Variants in ZDHHC13 observed in about 807,000 individuals in gnomAD.
ZDHHC13 encodes the protein palmitoyltransferase ZDHHC13.
A neutral mutation model predicts 86.0 loss-of-function variants in ZDHHC13; 85 were observed. The ratio of observed to expected loss-of-function variants is 0.99; its 90% CI spans 0.83 to 1.18. The LOEUF (loss-of-function observed/expected upper bound fraction) is 1.18, where lower values mean the gene tolerates loss of function less well. ZDHHC13 is among the 50% of genes most tolerant of loss of function. The pLI is 0.00. For missense variants in ZDHHC13, 711 were observed against 730.2 expected (o/e 0.97, Z 0.30); for synonymous variants, 263 against 246.4 (o/e 1.07, Z -0.63).
chr11:19,137,585 A>G (rs1849179493), intron 1 of ZDHHC13, among the ~76,000 whole-genome samples: 1 of 151,792 alleles, frequency 6.6e-6, no homozygotes, highest in African/African-American at 2.4e-5. Flanking sequence ...CATCTACAGA[A>G]CTCTCCACCC....
At chr11:19,135,958 C>A (rs1049349350) in intron 1 of ZDHHC13, among the ~76,000 whole-genome samples, 1 of 151,564 alleles carries the variant, frequency 6.6e-6, no homozygotes, top group African/African-American at 2.4e-5. Flanking sequence ...GTAGATAAAA[C>A]CACAAAGATG....
intron 8 of ZDHHC13, among the ~76,000 whole-genome samples, chr11:19,153,551 T>A (rs1001727996): frequency 6.6e-6 from 1 of 152,180 alleles, no homozygotes; most frequent in Non-Finnish European, 1.5e-5. Context: ...GAAATAGTGG[T>A]TATTCCTCAG....
At chr11:19,142,013 C>T (rs1374861157) in intron 1 of ZDHHC13, among the ~76,000 whole-genome samples, 2 of 152,096 alleles carry the variant, frequency 1.3e-5, no homozygotes, top group Non-Finnish European at 2.9e-5. Flanking sequence ...ATGCTTTAAC[C>T]AACTGAGCTA....
intron 2 of ZDHHC13, 34 bp from the exon 3 acceptor site, chr11:19,146,147 T>A: frequency 6.5e-7 from 1 of 1,528,858 alleles, no homozygotes; most frequent in Non-Finnish European, 8.8e-7. Context: ...TGATTTTAAT[T>A]GTATCAATTA....
chr11:19,169,784 TG>T (rs1318132694), intron 14 of ZDHHC13: 2 of 985,424 alleles, frequency 2.0e-6, no homozygotes, highest in Non-Finnish European at 2.4e-6. Context: ...TTGGCACACC[TG>T]GGGAGAAACT....
chr11:19,145,941 T>G (rs897033037), intron 2 of ZDHHC13, among the ~76,000 whole-genome samples: 5 of 152,212 alleles, frequency 3.3e-5, no homozygotes, highest in African/African-American at 1.2e-4. Context: ...AGTTTAAAGT[T>G]TACTTAAGAA....
intron 1 of ZDHHC13, among the ~76,000 whole-genome samples, chr11:19,126,191 T>TG (rs200962895): frequency 0.02 from 3,104 of 152,230 alleles, 54 homozygotes; most frequent in Non-Finnish European, 0.029. Flanking sequence ...ACTTATGTCA[T>TG]GGGGGTTTGT....
intron 14 of ZDHHC13, chr11:19,166,997 G>T (rs570550239): frequency 6.6e-6 from 1 of 152,292 alleles, no homozygotes; most frequent in African/African-American, 2.4e-5. Flanking sequence ...GTTCTGAGGT[G>T]GTTGACTAAG....
intron 1 of ZDHHC13, among the ~76,000 whole-genome samples, chr11:19,130,334 T>TA (rs1848968850): frequency 6.6e-6 from 1 of 152,218 alleles, no homozygotes; most frequent in Non-Finnish European, 1.5e-5. Context: ...GCTAATTTAT[T>TA]GACATAAAGT....
chr11:19,174,687 G>A (rs1422134275), intron 16 of ZDHHC13, among the ~76,000 whole-genome samples: 1 of 152,216 alleles, frequency 6.6e-6, no homozygotes, highest in Admixed American at 6.5e-5. Context: ...TGATGCCTAA[G>A]ACAGTGCAGT....
Position 19,117,590 on chromosome 11 carries a change from A to C in ZDHHC13, c.27+314A>C. ...CCTCTGTGGGCCTGGGGAGGGGACG[A>C]TGGCCCTTCCCGGGAGAGGTGTCAG... On this transcript the variant is annotated intron_variant, in intron 1 of 16. Coordinates refer to ENST00000446113, the MANE Select transcript of ZDHHC13 (RefSeq NM_019028.3). This position sits in a 1 kb window ranked among gnomAD's most constrained non-coding sequence, Gnocchi z 4.2. The C allele has an allele frequency of 2.9e-6, 1 of 346,684 alleles. No homozygotes were observed. The highest frequency in any genetic ancestry group is 5.2e-6 in the Non-Finnish European group (1 of 192,032). The allele number at this position is 346,684 out of a possible 1,614,324, so 21.5% of individuals were successfully genotyped here. A position where few individuals can be genotyped will look rare whatever the true frequency, so the allele number is the denominator to read the frequency against.
chr11:19,125,516 AG>A (rs1848854268), intron 1 of ZDHHC13, among the ~76,000 whole-genome samples: 1 of 152,236 alleles, frequency 6.6e-6, no homozygotes, highest in African/African-American at 2.4e-5. Flanking sequence ...TGGCAATGCA[AG>A]GTGATATAGC....
chr11:19,172,581 A>G, intron 15 of ZDHHC13, 142 bp from the exon 16 acceptor site: 1 of 550,148 alleles, frequency 1.8e-6, no homozygotes, highest in Non-Finnish European at 3.0e-6. Context: ...ACTTCTGATT[A>G]ACTTTTTCTT....
intron 1 of ZDHHC13, among the ~76,000 whole-genome samples, chr11:19,140,427 A>G (rs1454294750): frequency 2.0e-5 from 3 of 152,216 alleles, no homozygotes; most frequent in Admixed American, 6.5e-5. Context: ...CAGGTGCTGG[A>G]GAGGATGTGG....
chr11:19,140,016 A>G (rs1390439606), intron 1 of ZDHHC13, among the ~76,000 whole-genome samples: 7 of 150,620 alleles, frequency 4.6e-5, no homozygotes, highest in Non-Finnish European at 8.9e-5. Flanking sequence ...AAAGGACTTC[A>G]TGTCTAAAAC....
At chr11:19,153,749 C>T (rs1034321058) in intron 8 of ZDHHC13, among the ~76,000 whole-genome samples, 3 of 152,126 alleles carry the variant, frequency 2.0e-5, no homozygotes, top group Non-Finnish European at 4.4e-5. Context: ...TTTACTCATC[C>T]GCTTTGATGT....
chr11:19,154,231 T>C (rs1347688914), intron 8 of ZDHHC13, among the ~76,000 whole-genome samples: 4 of 152,202 alleles, frequency 2.6e-5, no homozygotes, highest in African/African-American at 9.6e-5. Context: ...GAATAGTACC[T>C]TGCATATAAT....
At position 19,170,483 on chromosome 11, in the gene ZDHHC13, G is replaced by A. The variant is rs973595712; in HGVS notation, c.1547G>A (p.Cys516Tyr). Residue 516 changes from cysteine (C) to tyrosine (Y), a missense_variant, in exon 15 of 17, where the codon TGT becomes TAT. Coordinates refer to ENST00000446113, the MANE Select transcript of ZDHHC13 (RefSeq NM_019028.3). ...ACTTACCTCAATCAGATTGTGGCCT[G>A]TTCCCCTTGGGTTTTATATATCTTG... Reference protein sequence around the residue: ...LWTYLNQIVACSPWVLYILML... With the variant: ...LWTYLNQIVAYSPWVLYILML... 19 of 1,528,736 alleles carry A rather than the reference G, an allele frequency of 1.2e-5. No homozygotes were observed. The highest frequency in any genetic ancestry group is 4.3e-5 in the Admixed American group (2 of 46,710). 94.7% of individuals were successfully genotyped at this position (1,528,736 alleles called of 1,614,324 possible).
At chr11:19,126,407 G>T (rs1206397386) in intron 1 of ZDHHC13, among the ~76,000 whole-genome samples, 1 of 148,012 alleles carries the variant, frequency 6.8e-6, no homozygotes, top group East Asian at 2.0e-4. Context: ...TGTGATCTCG[G>T]CTCACTGCAA....
Sources: gnomAD v4.1 joint callset for allele counts (sites outside exome capture counted in the v4.1 genomes callset) on GRCh38, gnomAD v4.1.1 for gene constraint, Gnocchi (gnomAD v3.1) non-coding constraint, MANE v1.5 for transcripts, NCBI Gene and HGNC (gene_info 2026-07-23, HGNC 2026-07-21) for gene names.